The following ADGRG4 variants were observed in gnomAD, a reference collection of about 807,000 sequenced individuals.
ADGRG4 encodes the protein G protein-coupled receptor 112.
ADGRG4 carries 122 observed loss-of-function variants against 126.2 expected under a neutral mutation model. The ratio of observed to expected loss-of-function variants is 0.97; its 90% CI spans 0.83 to 1.12. The LOEUF (loss-of-function observed/expected upper bound fraction) is 1.12, where lower values mean the gene tolerates loss of function less well. ADGRG4 is among the 50% of genes most tolerant of loss of function. The pLI is 0.00. For missense variants in ADGRG4, 2,481 were observed against 2,251.8 expected (o/e 1.10, Z -2.06); for synonymous variants, 943 against 838.7 (o/e 1.12, Z -2.15).
chrX:136,375,545 C>T (rs1331068470), intron 15 of ADGRG4, among the ~76,000 whole-genome samples: 1 of 112,098 alleles, frequency 8.9e-6, no homozygotes, highest in Non-Finnish European at 1.9e-5. Context: ...ATGCCAACAT[C>T]TATTGTTTTT....
rs183819510 is a variant in ADGRG4, at chrX:136,365,293, C to T, written c.7396+1698C>T. Among the ~76,000 whole-genome samples the T allele has an allele frequency of 3.6e-5, 4 of 111,399 alleles. No homozygotes were observed. In the South Asian group the frequency reaches 1.1e-3, roughly 32 times the overall value. On this transcript the variant is annotated intron_variant, in intron 13 of 25. Transcript: ENST00000394143. The stretch of plus-strand genomic sequence containing the variant: ...ATTAGCAGTCTCTCCATTCCTCCCC[C>T]ACCCCAGCTCCTGGCAACCACTAAT...
At chrX:136,342,911 T>TGA (rs1448299367) in intron 5 of ADGRG4, among the ~76,000 whole-genome samples, 11 of 81,335 alleles carry the variant, frequency 1.4e-4, no homozygotes, top group African/African-American at 6.0e-4. Flanking sequence ...TGTGTGTGTG[T>TGA]GTGTGTGTGT....
chrX:136,371,961 T>C (rs1393198525), intron 14 of ADGRG4, among the ~76,000 whole-genome samples: 1 of 111,701 alleles, frequency 9.0e-6, no homozygotes, highest in Non-Finnish European at 1.9e-5. Context: ...ATAGACATCA[T>C]AAATTTTAAA....
At chrX:136,310,348 G>A (rs1274070031) in intron 4 of ADGRG4, among the ~76,000 whole-genome samples, 2 of 110,677 alleles carry the variant, frequency 1.8e-5, no homozygotes, top group Non-Finnish European at 3.8e-5. Context: ...TATGATAGAT[G>A]TGCAGGTCCT....
Position 136,349,155 on chromosome X carries a change from CCT to C in ADGRG4, c.5450_5451del (p.Pro1817ArgfsTer25). 1.7e-6 allele frequency: 2 copies of C among 1,197,819 alleles called. No individual in the cohort carries two copies. The highest frequency in any genetic ancestry group is 1.8e-5 in the South Asian group (1 of 56,509). ...AAACTATGCCACATCTTTGAATACCCCTGTTTCATACCCTCCATGGACCCCAT... is the reference window on the plus strand; with the variant it reads ...AAACTATGCCACATCTTTGAATACCCGTTTCATACCCTCCATGGACCCCAT... ...LTNYATSLNT[P>X]VSYPPWTPSS... On this transcript the variant is annotated frameshift_variant, in exon 6 of 26. Coordinates refer to ENST00000394143, the MANE Select transcript of ADGRG4 (RefSeq NM_153834.4). LOFTEE classifies it high-confidence loss of function.
At chrX:136,353,097 C>G (rs1235204787) in intron 7 of ADGRG4, among the ~76,000 whole-genome samples, 1 of 111,570 alleles carries the variant, frequency 9.0e-6, no homozygotes, top group Admixed American at 9.6e-5. Context: ...TCCCCAAAGG[C>G]CTTATCTCTG....
rs906768044 is a variant in ADGRG4, at chrX:136,350,510, C to T, written c.6727+77C>T. 10 of 1,010,016 alleles carry T rather than the reference C, an allele frequency of 9.9e-6. No homozygotes were observed. The African/African-American group carries it at 1.1e-4, about 12-fold the overall frequency. 83.2% of individuals were successfully genotyped at this position (1,010,016 alleles called of 1,213,427 possible). A position where few individuals can be genotyped will look rare whatever the true frequency, so the allele number is the denominator to read the frequency against. ...GGGTCATGTGTTCTCCAAAGTGGCC[C>T]GTTCTTGGAAGGCAGAAAAGAATGA... On this transcript the variant is annotated intron_variant, in intron 6 of 25. Coordinates refer to ENST00000394143, the MANE Select transcript of ADGRG4 (RefSeq NM_153834.4).
chrX:136,344,307 TGAAAA>T, intron 5 of ADGRG4, 80 bp from the exon 6 acceptor site: 1 of 585,535 alleles, frequency 1.7e-6, no homozygotes, highest in Non-Finnish European at 2.6e-6. Context: ...TCTTACAAAA[TGAAAA>T]GAAATTATAG....
intron 6 of ADGRG4, among the ~76,000 whole-genome samples, chrX:136,350,850 T>G (rs1361336242): frequency 9.0e-6 from 1 of 111,052 alleles, no homozygotes; most frequent in East Asian, 2.8e-4. Flanking sequence ...AGAATATATC[T>G]TATCTTGCCT....
At chrX:136,333,155 G>T (rs1473368668) in intron 5 of ADGRG4, among the ~76,000 whole-genome samples, 1 of 111,433 alleles carries the variant, frequency 9.0e-6, no homozygotes, top group African/African-American at 3.3e-5. Context: ...GCTGAAACTG[G>T]ATCCCTTCCT....
In ADGRG4 at chrX:136,350,175, A is replaced by G; in HGVS notation, c.6469A>G (p.Asn2157Asp). The G allele has an allele frequency of 8.3e-7, 1 of 1,210,565 alleles. No individual in the cohort carries two copies. The highest frequency in any genetic ancestry group is 1.1e-6 in the Non-Finnish European group (1 of 894,665). Residue 2157 changes from asparagine to aspartate, a missense_variant, in exon 6 of 26, where the codon AAC (asparagine) becomes GAC (aspartate). Asn to Asp is a conservative substitution (Grantham distance 23). Coordinates refer to ENST00000394143, the MANE Select transcript of ADGRG4 (RefSeq NM_153834.4). ...LPSSTITSSW[N>D]RIPTASSPST... ...TAGCTCTACAATAACATCTTCATGGAACAGAATTCCAACTGCATCATCACC... is the reference window on the plus strand; with the variant it reads ...TAGCTCTACAATAACATCTTCATGGGACAGAATTCCAACTGCATCATCACC...
chrX:136,400,423 A>C (rs1814181610), intron 21 of ADGRG4, among the ~76,000 whole-genome samples: 1 of 112,306 alleles, frequency 8.9e-6, no homozygotes, highest in Non-Finnish European at 1.9e-5. Flanking sequence ...ATACTGATAA[A>C]ACAGCTAACA....
chrX:136,405,862 C>A lies in ADGRG4; in HGVS notation c.8825C>A (p.Thr2942Lys). The change falls in exon 23 of 26, where the codon ACA (threonine) becomes AAA (lysine). Residue 2942 changes from threonine to lysine, a missense_variant. By Grantham distance (78) the Thr-to-Lys change is moderately conservative. Transcript: ENST00000394143. ...RKMILHDLKG[T>K]MSLTFLLGLT... ...ATGATCCTGCATGACCTCAAAGGCA[C>A]AATGAGCCTGACATTCTTACTTGGC... 1 of 1,207,554 alleles carries A rather than the reference C, an allele frequency of 8.3e-7. No individual in the cohort carries two copies. Among genetic ancestry groups the A allele is most frequent in the Non-Finnish European group, 1.1e-6 (1 of 893,476 alleles).
At chrX:136,339,411 G>T (rs1398157197) in intron 5 of ADGRG4, among the ~76,000 whole-genome samples, 1 of 111,860 alleles carries the variant, frequency 8.9e-6, no homozygotes, top group Non-Finnish European at 1.9e-5. Flanking sequence ...GGTGGAGAGG[G>T]GAGATTCAGG....
intron 15 of ADGRG4, among the ~76,000 whole-genome samples, chrX:136,386,017 TA>T (rs899720460): frequency 4.7e-4 from 51 of 108,897 alleles, no homozygotes; most frequent in African/African-American, 1.2e-3. Context: ...AGACTGCAAT[TA>T]AAAAAAAAAT....
intron 5 of ADGRG4, among the ~76,000 whole-genome samples, chrX:136,336,809 T>C (rs187551123): frequency 3.6e-5 from 4 of 112,147 alleles, no homozygotes; most frequent in Non-Finnish European, 5.6e-5. Flanking sequence ...TTGATTTATT[T>C]ATGGGGTTTT....
At chrX:136,356,430 T>C in intron 9 of ADGRG4, among the ~76,000 whole-genome samples, 1 of 111,713 alleles carries the variant, frequency 9.0e-6, no homozygotes, top group East Asian at 2.8e-4. Flanking sequence ...AATTTCTTCG[T>C]TATAGATGTC....
At chrX:136,397,430 T>A (rs1339583863) in intron 19 of ADGRG4, among the ~76,000 whole-genome samples, 1 of 110,042 alleles carries the variant, frequency 9.1e-6, no homozygotes, top group Admixed American at 9.7e-5. Context: ...AACTTTGTGA[T>A]CTCTAAGGTC....
intron 5 of ADGRG4, among the ~76,000 whole-genome samples, chrX:136,333,437 T>C (rs1470421482): frequency 2.6e-5 from 2 of 76,315 alleles, no homozygotes; most frequent in Non-Finnish European, 5.3e-5. Context: ...ATATTCTAAT[T>C]TTTTGTTGGG....
Sources: gnomAD v4.1 joint callset for allele counts (sites outside exome capture counted in the v4.1 genomes callset) on GRCh38, gnomAD v4.1.1 for gene constraint, MANE v1.5 for transcripts, NCBI Gene and HGNC (gene_info 2026-07-23, HGNC 2026-07-21) for gene names.